Variants in KLHL8 observed in about 807,000 individuals in gnomAD.
KLHL8 encodes the protein kelch-like protein 8.
In KLHL8, 38 loss-of-function variants were observed where a neutral mutation model predicts 63.5. That is an observed-to-expected ratio of 0.60 (90% confidence interval 0.46 to 0.78). The LOEUF is 0.78. Among genes scored for constraint, KLHL8 ranks in the 30% least tolerant of loss-of-function variants. The pLI, the probability that KLHL8 is intolerant of heterozygous loss-of-function variation, is 0.00. For missense variants in KLHL8, 566 were observed against 752.4 expected, an observed-to-expected ratio of 0.75 and a Z score of 2.90; for synonymous variants, 224 against 254.3, an observed-to-expected ratio of 0.88 and a Z score of 1.13.
intron 1 of KLHL8, among the ~76,000 whole-genome samples, chr4:87,200,940 A>G (rs1407168000): frequency 6.6e-6 from 1 of 152,212 alleles, no homozygotes; most frequent in Non-Finnish European, 1.5e-5. Flanking sequence ...TATACATACA[A>G]TGGAATACCA....
At chr4:87,207,335 A>T in intron 1 of KLHL8, 2 of 624,474 alleles carry the variant, frequency 3.2e-6, no homozygotes, top group Non-Finnish European at 5.9e-6. Context: ...GATCCCTCCA[A>T]AATCAAATGG....
chr4:87,190,528 C>T (rs1294928809), intron 2 of KLHL8, among the ~76,000 whole-genome samples: 1 of 151,886 alleles, frequency 6.6e-6, no homozygotes, highest in African/African-American at 2.4e-5. Flanking sequence ...CCTATAATCC[C>T]AGCTACTCGG....
rs1401036175 is a variant in KLHL8, at chr4:87,162,929, T to G, written c.*590A>C. Reference sequence around the variant, plus strand: ...AGGCTTCTTATAGCCTATAAGCTTCTGAAAATGCAGCTAAGTGGCATTCAA... The same window carrying G: ...AGGCTTCTTATAGCCTATAAGCTTCGGAAAATGCAGCTAAGTGGCATTCAA... On this transcript the variant is annotated 3_prime_UTR_variant, in exon 10 of 10. Coordinates refer to ENST00000273963, the MANE Select transcript of KLHL8 (RefSeq NM_020803.5). 1 of 152,198 alleles carries G rather than the reference T, an allele frequency of 6.6e-6. No homozygotes were observed. Among genetic ancestry groups the G allele is most frequent in the Admixed American group, 6.5e-5 (1 of 15,286 alleles). 9.4% of individuals were successfully genotyped at this position (152,198 alleles called of 1,614,324 possible).
At chr4:87,172,942 A>T (rs1730688365) in intron 6 of KLHL8, among the ~76,000 whole-genome samples, 1 of 152,206 alleles carries the variant, frequency 6.6e-6, no homozygotes, top group Admixed American at 6.5e-5. Flanking sequence ...CATGCATATT[A>T]AATATATATG....
chr4:87,180,886 G>GA (rs201112483), intron 4 of KLHL8, among the ~76,000 whole-genome samples: 127 of 152,022 alleles, frequency 8.4e-4, no homozygotes, highest in African/African-American at 2.7e-3. Flanking sequence ...CTACAAAAAA[G>GA]AAAAAAATAT....
chr4:87,195,387 T>C lies in KLHL8; in HGVS notation c.153A>G (p.Lys51=). The change falls in exon 2 of 10, where the codon AAA becomes AAG. Residue 51 remains lysine (K), a synonymous_variant. Transcript: ENST00000273963. ...SFIFEANEAW[K]DFHGSLLRFY... ...ATCGAAGAAGAGAACCATGAAAATCTTTCCAAGCTTCATTTGCTTCAAAAA... is the reference window on the plus strand; with the variant it reads ...ATCGAAGAAGAGAACCATGAAAATCCTTCCAAGCTTCATTTGCTTCAAAAA... 1.9e-6 allele frequency: 3 copies of C among 1,613,720 alleles called. No homozygotes were observed. Among genetic ancestry groups the C allele is most frequent in the Non-Finnish European group, 2.5e-6 (3 of 1,179,938 alleles).
chr4:87,185,108 G>A, intron 3 of KLHL8, 143 bp downstream of exon 3: 1 of 764,528 alleles, frequency 1.3e-6, no homozygotes. Context: ...GAAAATTAGA[G>A]AGCTAAAAGC....
chr4:87,221,392 TAAAAAAAAA>T (rs71660123), upstream of KLHL8: 33,596 of 87,358 alleles, frequency 0.38, 4,751 homozygotes, highest in Admixed American at 0.46. Flanking sequence ...AGACTCCGTC[TAAAAAAAAA>T]AAAAAAAAAA....
intron 2 of KLHL8, among the ~76,000 whole-genome samples, chr4:87,193,572 A>G (rs1486753401): frequency 6.6e-6 from 1 of 152,182 alleles, no homozygotes; most frequent in Non-Finnish European, 1.5e-5. Flanking sequence ...GCAAGAGTAC[A>G]CTCTACAAAA....
At chr4:87,191,509 AT>A (rs1448631498) in intron 2 of KLHL8, among the ~76,000 whole-genome samples, 1 of 152,162 alleles carries the variant, frequency 6.6e-6, no homozygotes, top group Non-Finnish European at 1.5e-5. Context: ...AAAGTAAAAA[AT>A]AATTTACTAT....
chr4:87,198,255 G>A lies in KLHL8; in HGVS notation c.-151-2565C>T, dbSNP rs369015639. On this transcript the variant is annotated intron_variant, in intron 1 of 9. Transcript: ENST00000273963. ...GAATCACTTGAACCCGGGAGGCGGAGGTTGCAGTGAGCTGAGATCACACCA... is the reference window on the plus strand; with the variant it reads ...GAATCACTTGAACCCGGGAGGCGGAAGTTGCAGTGAGCTGAGATCACACCA... 1.2e-4 allele frequency among the ~76,000 whole-genome samples: 18 copies of A among 152,254 alleles called. No homozygotes were observed. The East Asian group carries it at 2.1e-3, about 18-fold the overall frequency.
intron 1 of KLHL8, 177 bp downstream of exon 1, chr4:87,220,241 T>C (rs1046494489): frequency 6.6e-6 from 1 of 152,240 alleles, no homozygotes; most frequent in Admixed American, 6.5e-5. Flanking sequence ...GCTGTGGAGT[T>C]TCGGTTGGTG....
Position 87,185,554 on chromosome 4 carries a change from T to C in KLHL8, c.462A>G (p.Arg154=). 6.2e-7 allele frequency: 1 copy of C among 1,614,162 alleles called. No homozygotes were observed. The highest frequency in any genetic ancestry group is 8.5e-7 in the Non-Finnish European group (1 of 1,180,022). Residue 154 remains arginine, a synonymous_variant, in exon 3 of 10, where the codon AGA becomes AGG. Coordinates refer to ENST00000273963, the MANE Select transcript of KLHL8 (RefSeq NM_020803.5). ...ACILQVELVA[R]ACCEYMKLHF... ...GTAACTTCATGTATTCACAACAAGCTCTAGCCACCAGTTCAACCTGCAGAA... is the reference window on the plus strand; with the variant it reads ...GTAACTTCATGTATTCACAACAAGCCCTAGCCACCAGTTCAACCTGCAGAA...
upstream of KLHL8, among the ~76,000 whole-genome samples, chr4:87,224,500 G>A (rs1333945961): frequency 6.6e-6 from 1 of 152,210 alleles, no homozygotes; most frequent in African/African-American, 2.4e-5. Flanking sequence ...TGCAACCAGA[G>A]AGCAGGTCCC....
intron 2 of KLHL8, among the ~76,000 whole-genome samples, chr4:87,194,910 G>C: frequency 6.6e-6 from 1 of 152,146 alleles, no homozygotes; most frequent in Admixed American, 6.5e-5. Flanking sequence ...TAAAACACTA[G>C]TATAGCTGAG....
intron 2 of KLHL8, among the ~76,000 whole-genome samples, chr4:87,190,723 A>G (rs570440240): frequency 6.6e-6 from 1 of 152,216 alleles, no homozygotes; most frequent in South Asian, 2.1e-4. Context: ...GATAAACAAC[A>G]TAATTTATTT....
intron 1 of KLHL8, among the ~76,000 whole-genome samples, chr4:87,236,946 G>A (rs1172788015): frequency 1.3e-5 from 2 of 152,162 alleles, no homozygotes; most frequent in African/African-American, 4.8e-5. Context: ...TTACAGGCGC[G>A]AGCCACGGCA....
intron 1 of KLHL8, among the ~76,000 whole-genome samples, chr4:87,206,118 T>C (rs1466395840): frequency 1.3e-5 from 2 of 152,262 alleles, no homozygotes; most frequent in Admixed American, 1.3e-4. Flanking sequence ...CCACTTCAAT[T>C]CTCCTGGATT....
chr4:87,164,936 C>T (rs932936368), intron 8 of KLHL8, among the ~76,000 whole-genome samples: 1 of 151,920 alleles, frequency 6.6e-6, no homozygotes. Flanking sequence ...ATCACGAGGT[C>T]AGGAGATCGA....
Sources: gnomAD v4.1 joint callset for allele counts (sites outside exome capture counted in the v4.1 genomes callset) on GRCh38, gnomAD v4.1.1 for gene constraint, MANE v1.5 for transcripts, NCBI Gene and HGNC (gene_info 2026-07-23, HGNC 2026-07-21) for gene names.